The following CTNNA3 variants were observed in gnomAD, a reference collection of about 807,000 sequenced individuals.
The protein encoded by CTNNA3 is catenin alpha 3.
Under a neutral mutation model 95.7 loss-of-function variants are expected in CTNNA3, and 76 were observed. The observed-to-expected ratio is 0.79, with a 90% confidence interval of 0.66 to 0.96. The LOEUF is 0.96. Ranked by LOEUF, CTNNA3 falls within the 40% of genes least tolerant of loss-of-function variation. CTNNA3 has a pLI of 0.00. For missense variants in CTNNA3, 1,191 were observed against 1,089.8 expected, an observed-to-expected ratio of 1.09 and a Z score of -1.31; for synonymous variants, 431 against 374.4, an observed-to-expected ratio of 1.15 and a Z score of -1.74.
intron 5 of CTNNA3, among the ~76,000 whole-genome samples, chr10:67,235,775 G>A (rs1182997250): frequency 7.0e-6 from 1 of 143,460 alleles, no homozygotes; most frequent in Non-Finnish European, 1.5e-5. Context: ...TCTGACAAAG[G>A]GCTAATATCC....
intron 15 of CTNNA3, among the ~76,000 whole-genome samples, chr10:66,015,553 C>T (rs568754674): frequency 6.6e-6 from 1 of 152,122 alleles, no homozygotes; most frequent in Non-Finnish European, 1.5e-5. Flanking sequence ...GTTGCAAAGC[C>T]TAAATTATAT....
chr10:67,446,005 G>A (rs1159456554), intron 5 of CTNNA3, among the ~76,000 whole-genome samples: 1 of 152,124 alleles, frequency 6.6e-6, no homozygotes, highest in African/African-American at 2.4e-5. Context: ...TTGACACACT[G>A]ACCTGTTCCC....
At chr10:66,288,902 T>A (rs189403423) in intron 12 of CTNNA3, among the ~76,000 whole-genome samples, 1 of 152,224 alleles carries the variant, frequency 6.6e-6, no homozygotes, top group East Asian at 1.9e-4. Context: ...TATCTAATGA[T>A]ACAATTCTTA....
chr10:66,851,774 C>G (rs951933299), intron 7 of CTNNA3, among the ~76,000 whole-genome samples: 3 of 152,102 alleles, frequency 2.0e-5, no homozygotes, highest in Non-Finnish European at 2.9e-5. Context: ...GTTTCCCGTA[C>G]AGCCTGCAGA....
intron 9 of CTNNA3, among the ~76,000 whole-genome samples, chr10:66,679,445 T>A (rs1846986955): frequency 6.6e-6 from 1 of 152,180 alleles, no homozygotes; most frequent in East Asian, 1.9e-4. Context: ...AGAATGTTTA[T>A]ATGGAGAAGT....
intron 17 of CTNNA3, among the ~76,000 whole-genome samples, chr10:65,936,508 C>T (rs2077341150): frequency 6.6e-6 from 1 of 151,994 alleles, no homozygotes; most frequent in African/African-American, 2.4e-5. Context: ...TCTACAACTC[C>T]AATGAACATT....
intron 15 of CTNNA3, among the ~76,000 whole-genome samples, chr10:66,065,485 T>G (rs1293424881): frequency 6.6e-6 from 1 of 151,320 alleles, no homozygotes; most frequent in Admixed American, 6.6e-5. Context: ...TTAAATAAGG[T>G]TTTTTTCCAT....
chr10:67,354,985 C>G (rs1316809058), intron 5 of CTNNA3, among the ~76,000 whole-genome samples: 1 of 151,860 alleles, frequency 6.6e-6, no homozygotes, highest in Non-Finnish European at 1.5e-5. Flanking sequence ...GACCCATAAA[C>G]CTACCATAGA....
chr10:67,180,526 A>C lies in CTNNA3; in HGVS notation c.844-6T>G, dbSNP rs751418187. The C allele has an allele frequency of 1.9e-6, 3 of 1,606,152 alleles. No homozygotes were observed. Among genetic ancestry groups the C allele is most frequent in the Non-Finnish European group, 2.6e-6 (3 of 1,172,920 alleles). On this transcript the variant is annotated splice_polypyrimidine_tract_variant and splice_region_variant and intron_variant, in intron 6 of 17. Transcript: ENST00000433211. The stretch of plus-strand genomic sequence containing the variant: ...GGATTCAGGACAATTAAATTCTAAG[A>C]GAAGAACACATTTGTATGGTTAGAG...
chr10:66,407,989 G>C (rs889276799), intron 11 of CTNNA3, among the ~76,000 whole-genome samples: 1 of 152,166 alleles, frequency 6.6e-6, no homozygotes, highest in Admixed American at 6.5e-5. Context: ...AACCCCAACG[G>C]ATATCAAAAT....
rs1839894674 is a variant in CTNNA3, at chr10:67,518,695, C to T, written c.579+3147G>A. Among the ~76,000 whole-genome samples, 4 of 152,092 alleles carry T rather than the reference C, an allele frequency of 2.6e-5. No individual in the cohort carries two copies. In the South Asian group the frequency reaches 8.3e-4, roughly 32 times the overall value. Reference sequence around the variant, plus strand: ...TGAATTACATTAGAGTCCACATTATCAAACCTTATTTTGTTTTACTTCACA... The same window carrying T: ...TGAATTACATTAGAGTCCACATTATTAAACCTTATTTTGTTTTACTTCACA... On this transcript the variant is annotated intron_variant, in intron 5 of 17. Coordinates refer to ENST00000433211, the MANE Select transcript of CTNNA3 (RefSeq NM_013266.4).
chr10:66,252,623 T>A (rs1452504115), intron 13 of CTNNA3, among the ~76,000 whole-genome samples: 1 of 152,154 alleles, frequency 6.6e-6, no homozygotes, highest in African/African-American at 2.4e-5. Flanking sequence ...ATTCGTAAAC[T>A]GGGTTTAGAA....
intron 1 of CTNNA3, among the ~76,000 whole-genome samples, chr10:67,727,374 GTA>G (rs1255581821): frequency 7.7e-6 from 1 of 129,740 alleles, no homozygotes; most frequent in Non-Finnish European, 1.6e-5. Context: ...ATGTATATAT[GTA>G]TGTTACGTAT....
At chr10:66,653,080 C>A (rs1385059517) in intron 9 of CTNNA3, among the ~76,000 whole-genome samples, 1 of 152,204 alleles carries the variant, frequency 6.6e-6, no homozygotes, top group South Asian at 2.1e-4. Context: ...CCGTTCTTTT[C>A]GGTTCTGTCT....
intron 15 of CTNNA3, among the ~76,000 whole-genome samples, chr10:66,036,694 A>G (rs2079570038): frequency 6.6e-6 from 1 of 152,058 alleles, no homozygotes. Context: ...ATTCCTGATT[A>G]CAGTTTGAGA....
At chr10:67,570,730 CA>C (rs1191037339) in intron 3 of CTNNA3, among the ~76,000 whole-genome samples, 1 of 152,180 alleles carries the variant, frequency 6.6e-6, no homozygotes, top group Non-Finnish European at 1.5e-5. Context: ...GCATATTTGA[CA>C]TAGTTGATTA....
At position 67,636,838 on chromosome 10, in the gene CTNNA3, G is replaced by T. The variant is rs369858570; in HGVS notation, c.99+10577C>A. Reference sequence around the variant, plus strand: ...AGAAGGAAAACTAATAAACGGAAAGGACATCCACACCAAAACCCCATCTGT... The same window carrying T: ...AGAAGGAAAACTAATAAACGGAAAGTACATCCACACCAAAACCCCATCTGT... On this transcript the variant is annotated intron_variant, in intron 2 of 17. Transcript: ENST00000433211. Among the ~76,000 whole-genome samples, 20 of 152,184 alleles carry T rather than the reference G, an allele frequency of 1.3e-4. 1 individual carries two copies. Among genetic ancestry groups the T allele is most frequent in the African/African-American group, 4.6e-4 (19 of 41,530 alleles).
At chr10:66,531,328 A>T (rs1190705558) in intron 10 of CTNNA3, among the ~76,000 whole-genome samples, 1 of 152,156 alleles carries the variant, frequency 6.6e-6, no homozygotes. Context: ...ATCTGTAATG[A>T]TCATTAAAAT....
chr10:66,541,705 C>A (rs1841857645), intron 10 of CTNNA3, among the ~76,000 whole-genome samples: 1 of 152,028 alleles, frequency 6.6e-6, no homozygotes, highest in Admixed American at 6.6e-5. Flanking sequence ...AATAGATAAA[C>A]TCTTAGATTG....
Sources: gnomAD v4.1 joint callset for allele counts (sites outside exome capture counted in the v4.1 genomes callset) on GRCh38, gnomAD v4.1.1 for gene constraint, MANE v1.5 for transcripts, NCBI Gene and HGNC (gene_info 2026-07-23, HGNC 2026-07-21) for gene names.